The following CA6 variants were observed in gnomAD, a reference collection of about 807,000 sequenced individuals.
CA6 encodes carbonate dehydratase VI.
A neutral mutation model predicts 35.9 loss-of-function variants in CA6; 28 were observed. That is an observed-to-expected ratio of 0.78 (90% CI 0.58 to 1.07). The LOEUF is 1.07. CA6 is among the 50% of genes least tolerant of loss of function. CA6 has a pLI of 0.00. For synonymous variants in CA6, 148 were observed against 152.6 expected, an observed-to-expected ratio of 0.97 and a Z score of 0.22; for missense variants, 377 against 382.0, an observed-to-expected ratio of 0.99 and a Z score of 0.11.
Position 8,970,866 on chromosome 1 carries a change from G to A in CA6, c.730-1G>A. 6.2e-7 allele frequency: 1 copy of A among 1,601,288 alleles called. No homozygotes were observed. Among genetic ancestry groups the A allele is most frequent in the South Asian group, 1.1e-5 (1 of 90,764 alleles). On this transcript the variant is annotated splice_acceptor_variant, in intron 6 of 7. Transcript: ENST00000377443. LOFTEE classifies it high-confidence loss of function. ...CCATAATGCACTCACGTTGCCCCCA[G>A]GTTTGGAAGCTGGAGAATTCCTTAC...
At chr1:8,958,718 T>C (rs1418113858) in intron 3 of CA6, among the ~76,000 whole-genome samples, 192 bp from the exon 4 acceptor site, 1 of 152,224 alleles carries the variant, frequency 6.6e-6, no homozygotes, top group Non-Finnish European at 1.5e-5. Context: ...CTTTCCATTC[T>C]TGGGGAAGTT....
At chr1:8,952,601 C>G (rs965017531) in intron 2 of CA6, 1 of 152,130 alleles carries the variant, frequency 6.6e-6, no homozygotes, top group Non-Finnish European at 1.5e-5. Flanking sequence ...TTGATGAACA[C>G]TAAGCTTAAC....
chr1:8,965,818 C>G (rs953714721), intron 5 of CA6, among the ~76,000 whole-genome samples: 2 of 150,134 alleles, frequency 1.3e-5, no homozygotes, highest in African/African-American at 4.9e-5. Flanking sequence ...ACCCGGGAGG[C>G]AGAGGTTGCA....
intron 6 of CA6, 121 bp from the exon 7 acceptor site, chr1:8,970,746 C>T: frequency 1.4e-6 from 1 of 716,440 alleles, no homozygotes; most frequent in Non-Finnish European, 2.6e-6. Flanking sequence ...AGTGATCTGC[C>T]CGCCCCAGCC....
At chr1:8,952,584 T>C (rs1157955670) in intron 2 of CA6, 4 of 152,306 alleles carry the variant, frequency 2.6e-5, no homozygotes, top group African/African-American at 9.6e-5. Context: ...TTGAATCTAA[T>C]GAGATTTTGA....
intron 4 of CA6, among the ~76,000 whole-genome samples, chr1:8,961,614 GA>G (rs1259024058): frequency 6.6e-6 from 1 of 152,046 alleles, no homozygotes; most frequent in Non-Finnish European, 1.5e-5. Context: ...AGTAAAGGTG[GA>G]CCAATGCAAC....
At chr1:8,951,818 T>A in intron 2 of CA6, 1 of 353,306 alleles carries the variant, frequency 2.8e-6, no homozygotes, top group Non-Finnish European at 4.8e-6. Flanking sequence ...ATATATATAT[T>A]AAAAACAATT....
chr1:8,948,359 A>T (rs981450333), intron 1 of CA6, among the ~76,000 whole-genome samples: 7 of 152,160 alleles, frequency 4.6e-5, no homozygotes, highest in Non-Finnish European at 1.0e-4. Context: ...TATGAATTTT[A>T]AAAAAGTACT....
At chr1:8,947,502 T>C (rs1032419793) in intron 1 of CA6, among the ~76,000 whole-genome samples, 12 of 152,084 alleles carry the variant, frequency 7.9e-5, no homozygotes, top group African/African-American at 2.9e-4. Flanking sequence ...CTGAGGACAG[T>C]GATCTTACAC....
intron 6 of CA6, among the ~76,000 whole-genome samples, chr1:8,970,265 G>A (rs1435965091): frequency 6.7e-6 from 1 of 149,478 alleles, no homozygotes; most frequent in Non-Finnish European, 1.5e-5. Flanking sequence ...CAAAAATTGA[G>A]TTTGCCACTT....
chr1:8,967,082 C>T (rs1639988227), intron 5 of CA6, among the ~76,000 whole-genome samples: 1 of 152,206 alleles, frequency 6.6e-6, no homozygotes, highest in Non-Finnish European at 1.5e-5. Context: ...CTTGGCCTCC[C>T]AGAGTGTTGA....
intron 1 of CA6, 94 bp from the exon 2 acceptor site, chr1:8,949,169 C>A: frequency 1.0e-6 from 1 of 981,092 alleles, no homozygotes; most frequent in Non-Finnish European, 1.4e-6. Context: ...GGTCCCCGCC[C>A]AGCAGGCCCT....
Position 8,957,290 on chromosome 1 carries a change from C to T in CA6, c.408+5C>T. 6.2e-7 allele frequency: 1 copy of T among 1,607,518 alleles called. No individual in the cohort carries two copies. The highest frequency in any genetic ancestry group is 2.2e-5 in the East Asian group (1 of 44,748). On this transcript the variant is annotated splice_donor_5th_base_variant and intron_variant, in intron 3 of 7. Transcript: ENST00000377443. ...GGGATCAGACATGTGATCGAGGTAC[C>T]TGAGGACCCCCACTGTGTCCTCTTT...
At chr1:8,965,149 C>A (rs1043748017) in intron 5 of CA6, among the ~76,000 whole-genome samples, 12 of 152,106 alleles carry the variant, frequency 7.9e-5, no homozygotes, top group African/African-American at 2.7e-4. Context: ...AAGGCTGAGG[C>A]AGGAGAATCG....
intron 2 of CA6, among the ~76,000 whole-genome samples, chr1:8,952,833 T>A (rs1320791378): frequency 6.6e-6 from 1 of 151,856 alleles, no homozygotes; most frequent in Non-Finnish European, 1.5e-5. Flanking sequence ...ATTTTTGTAT[T>A]TCTAGTACAG....
intron 5 of CA6, among the ~76,000 whole-genome samples, chr1:8,964,074 G>A (rs1032681380): frequency 6.6e-6 from 1 of 152,078 alleles, no homozygotes; most frequent in Non-Finnish European, 1.5e-5. Context: ...CTTAACCCAC[G>A]TGCATCTGGA....
At chr1:8,954,309 C>T (rs1639617976) in intron 2 of CA6, among the ~76,000 whole-genome samples, 1 of 152,056 alleles carries the variant, frequency 6.6e-6, no homozygotes, top group Admixed American at 6.6e-5. Context: ...GGTTTACAGG[C>T]ATGCACCACC....
chr1:8,967,605 C>T, intron 5 of CA6, 54 bp from the exon 6 acceptor site: 1 of 1,542,164 alleles, frequency 6.5e-7, no homozygotes, highest in East Asian at 2.2e-5. Context: ...AGCTGTCCTC[C>T]CGAGGGGCAG....
At position 8,973,710 on chromosome 1, in the gene CA6, C is replaced by CTCCTTCTT. The variant is rs1640168375; in HGVS notation, c.845-910_845-909insCTTCTTTC. On this transcript the variant is annotated intron_variant, in intron 7 of 7. Transcript: ENST00000377443. ...CTCAGGCCTGGATTTTTCTTTCTCTCTCTTTCTTTCTTTCTTTCTTTCTTT... is the reference window on the plus strand; with the variant it reads ...CTCAGGCCTGGATTTTTCTTTCTCTCTCCTTCTTTCTTTCTTTCTTTCTTTCTTTCTTT... Among the ~76,000 whole-genome samples, 6 of 106,428 alleles carry CTCCTTCTT rather than the reference C, an allele frequency of 5.6e-5. No individual in the cohort carries two copies. In the Admixed American group the frequency reaches 6.2e-4, roughly 11 times the overall value. The allele number at this position is 106,428 out of a possible 152,430, so 69.8% of individuals were successfully genotyped here.
Sources: gnomAD v4.1 joint callset for allele counts (sites outside exome capture counted in the v4.1 genomes callset) on GRCh38, gnomAD v4.1.1 for gene constraint, MANE v1.5 for transcripts, NCBI Gene and HGNC (gene_info 2026-07-23, HGNC 2026-07-21) for gene names.